CRISPLD2: variants seen among roughly 807,000 people sequenced by gnomAD.
The protein encoded by CRISPLD2 is cysteine-rich secretory protein LCCL domain-containing 2.
CRISPLD2 carries 47 observed loss-of-function variants against 71.1 expected under a neutral mutation model. The observed-to-expected ratio is 0.66, with a 90% CI of 0.52 to 0.84. The LOEUF (loss-of-function observed/expected upper bound fraction) is 0.84. Ranked by LOEUF, CRISPLD2 falls within the 40% of genes least tolerant of loss-of-function variation. The pLI is 0.00. For missense variants in CRISPLD2, 830 were observed against 651.1 expected, an observed-to-expected ratio of 1.27 and a Z score of -2.99; for synonymous variants, 317 against 250.1, an observed-to-expected ratio of 1.27 and a Z score of -2.52.
chr16:84,839,379 A>T lies in CRISPLD2; in HGVS notation c.240+644A>T, dbSNP rs565809096. ...GCTGATCTCAGCTGTGCCACACGCT[A>T]GCTGCACCACCCTGACTTCTCCTTA... On this transcript the variant is annotated intron_variant, in intron 2 of 14. Coordinates refer to ENST00000262424, the MANE Select transcript of CRISPLD2 (RefSeq NM_031476.4). 7.8e-5 allele frequency: 16 copies of T among 206,400 alleles called. No individual in the cohort carries two copies. The South Asian group carries it at 1.2e-3, about 16-fold the overall frequency. The allele number at this position is 206,400 out of a possible 1,614,324, so 12.8% of individuals were successfully genotyped here.
chr16:84,858,383 G>A (rs2087993), intron 6 of CRISPLD2, among the ~76,000 whole-genome samples: 87,041 of 152,078 alleles, frequency 0.57, 26,523 homozygotes, highest in African/African-American at 0.77. Flanking sequence ...CCCACTAGGC[G>A]TTGTGCCTCT....
intron 14 of CRISPLD2, among the ~76,000 whole-genome samples, chr16:84,895,003 G>A (rs1597484593): frequency 2.0e-5 from 3 of 152,272 alleles, no homozygotes; most frequent in East Asian, 1.9e-4. Context: ...AGGCTGCCCC[G>A]AGGCTGGGAC....
At chr16:84,853,739 C>T (rs1487326699) in intron 5 of CRISPLD2, among the ~76,000 whole-genome samples, 3 of 152,240 alleles carry the variant, frequency 2.0e-5, no homozygotes, top group Admixed American at 2.0e-4. Context: ...ACGCTCAGAG[C>T]ACAGCCTTCC....
At chr16:84,839,005 C>T (rs1194483876) in intron 2 of CRISPLD2, 1 of 576,838 alleles carries the variant, frequency 1.7e-6, no homozygotes, top group Admixed American at 2.2e-5. Context: ...CCTGCTTCAG[C>T]CTCCCAAGTA....
intron 1 of CRISPLD2, among the ~76,000 whole-genome samples, chr16:84,823,328 C>A (rs1462550776): frequency 2.0e-5 from 3 of 152,208 alleles, no homozygotes; most frequent in Admixed American, 6.5e-5. Flanking sequence ...CATTTGTGTA[C>A]AAGGTTTTTT....
chr16:84,903,128 T>C (rs1377171677), intron 14 of CRISPLD2, among the ~76,000 whole-genome samples: 4 of 152,102 alleles, frequency 2.6e-5, no homozygotes, highest in Non-Finnish European at 5.9e-5. Flanking sequence ...GTGACTCCGA[T>C]CTGATTTGGT....
intron 14 of CRISPLD2, among the ~76,000 whole-genome samples, chr16:84,904,252 G>A (rs182687884): frequency 6.6e-6 from 1 of 152,312 alleles, no homozygotes; most frequent in Admixed American, 6.5e-5. Context: ...CAGTGATCAA[G>A]ATGGTGGTGC....
At chr16:84,857,426 C>G (rs1293952962) in intron 6 of CRISPLD2, among the ~76,000 whole-genome samples, 1 of 152,234 alleles carries the variant, frequency 6.6e-6, no homozygotes, top group Non-Finnish European at 1.5e-5. Flanking sequence ...CCCTCTTTCC[C>G]AAATTTCTCT....
intron 14 of CRISPLD2, 120 bp downstream of exon 14, chr16:84,889,483 A>T (rs754178747): frequency 1.1e-5 from 11 of 1,043,976 alleles, no homozygotes; most frequent in Non-Finnish European, 1.4e-5. Context: ...GACTTGCACG[A>T]ATTCTTACCA....
intron 1 of CRISPLD2, chr16:84,836,313 C>A (rs1022336849): frequency 6.6e-6 from 1 of 152,184 alleles, no homozygotes; most frequent in Non-Finnish European, 1.5e-5. Context: ...TCTGGCATCT[C>A]TTCTTTGAGC....
In CRISPLD2 at chr16:84,873,959, G is replaced by T. The variant is rs1280810312; in HGVS notation, c.1152G>T (p.Val384=). The change falls in exon 11 of 15, where the codon GTG becomes GTT. Residue 384 remains valine (V), a synonymous_variant. Transcript: ENST00000262424. The part of the protein sequence containing the change: ...KPSSSFMVSK[V]KVQDLDCYTT... Reference sequence around the variant, plus strand: ...CCAGCTCATTCATGGTGTCAAAAGTGAAAGGTAAGCTAGCCAGTCTCTTTT... The same window carrying T: ...CCAGCTCATTCATGGTGTCAAAAGTTAAAGGTAAGCTAGCCAGTCTCTTTT... 2 of 1,582,546 alleles carry T rather than the reference G, an allele frequency of 1.3e-6. No homozygotes were observed. The highest frequency in any genetic ancestry group is 1.7e-6 in the Non-Finnish European group (2 of 1,163,436).
intron 6 of CRISPLD2, among the ~76,000 whole-genome samples, chr16:84,859,660 C>T (rs1369417245): frequency 6.6e-6 from 1 of 152,198 alleles, no homozygotes; most frequent in Non-Finnish European, 1.5e-5. Flanking sequence ...TGGAAGTTTT[C>T]TGCTTATGTA....
chr16:84,841,498 T>G (rs1916769194), intron 2 of CRISPLD2, among the ~76,000 whole-genome samples: 1 of 151,974 alleles, frequency 6.6e-6, no homozygotes, highest in South Asian at 2.1e-4. Flanking sequence ...TGCCTTTTTT[T>G]CTATGAGGAA....
intron 13 of CRISPLD2, among the ~76,000 whole-genome samples, chr16:84,885,812 C>CT (rs781115960): frequency 0.018 from 1,764 of 95,760 alleles, 102 homozygotes; most frequent in African/African-American, 0.037. Flanking sequence ...TGGATCCCTT[C>CT]TTTTTTTTTT....
intron 14 of CRISPLD2, among the ~76,000 whole-genome samples, chr16:84,894,540 C>G (rs2071689491): frequency 6.6e-6 from 1 of 152,168 alleles, no homozygotes; most frequent in Non-Finnish European, 1.5e-5. Flanking sequence ...AGAAAAATCC[C>G]TGTCCTCATA....
chr16:84,856,021 T>G (rs949388058), intron 6 of CRISPLD2, among the ~76,000 whole-genome samples: 2 of 152,350 alleles, frequency 1.3e-5, no homozygotes, highest in African/African-American at 4.8e-5. Context: ...AGTCCTCATA[T>G]CTGCAACTGG....
rs148320203 is a variant in CRISPLD2 at position 84,880,002 on chromosome 16, G to C, written c.1230-507G>C. ...ATGCCCTGGAGGATCTGTGGTGACT[G>C]ACACACAGTGATCTAACCCCTTCCA... On this transcript the variant is annotated intron_variant, in intron 12 of 14. Coordinates refer to ENST00000262424, the MANE Select transcript of CRISPLD2 (RefSeq NM_031476.4). 5.1e-3 allele frequency among the ~76,000 whole-genome samples: 779 copies of C among 152,300 alleles called. 8 individuals are homozygous for C. The highest frequency in any genetic ancestry group is 0.018 in the African/African-American group (750 of 41,566).
Position 84,882,975 on chromosome 16 carries a change from C to T in CRISPLD2, c.1305+2391C>T, listed in dbSNP as rs549532097. On this transcript the variant is annotated intron_variant, in intron 13 of 14. Transcript: ENST00000262424. ...TATGAACAGGCGTGAGGGGAAAAAGCTATGTGCAGTCTTCATTAACAAGTT... is the reference window on the plus strand; with the variant it reads ...TATGAACAGGCGTGAGGGGAAAAAGTTATGTGCAGTCTTCATTAACAAGTT... 3.3e-5 allele frequency among the ~76,000 whole-genome samples: 5 copies of T among 152,270 alleles called. No individual in the cohort carries two copies. The South Asian group carries it at 1.0e-3, about 32-fold the overall frequency.
At chr16:84,835,203 G>T (rs1916587350) in intron 1 of CRISPLD2, among the ~76,000 whole-genome samples, 1 of 152,046 alleles carries the variant, frequency 6.6e-6, no homozygotes, top group Admixed American at 6.5e-5. Context: ...CAATTCTCCT[G>T]CCTCGGCCTG....
Sources: gnomAD v4.1 joint callset for allele counts (sites outside exome capture counted in the v4.1 genomes callset) on GRCh38, gnomAD v4.1.1 for gene constraint, MANE v1.5 for transcripts, NCBI Gene and HGNC (gene_info 2026-07-23, HGNC 2026-07-21) for gene names.